SNTG2: variants seen among roughly 807,000 people sequenced by gnomAD.
The protein encoded by SNTG2 is gamma-2-syntrophin.
SNTG2 carries 74 observed loss-of-function variants against 70.9 expected under a neutral mutation model. The observed-to-expected ratio is 1.04, with a 90% CI of 0.86 to 1.27. SNTG2 has a LOEUF of 1.27. Ranked by LOEUF, SNTG2 falls within the 50% of genes most tolerant of loss-of-function variation. SNTG2 has a pLI of 0.00. For missense variants in SNTG2, 717 were observed against 690.7 expected (o/e 1.04, Z -0.43); for synonymous variants, 278 against 273.8 (o/e 1.02, Z -0.15).
At chr2:972,653 A>G (rs758586271) in intron 1 of SNTG2, among the ~76,000 whole-genome samples, 33 of 152,092 alleles carry the variant, frequency 2.2e-4, no homozygotes, top group Non-Finnish European at 4.0e-4. Context: ...TGGATTTCTC[A>G]TGGATGGTTT....
intron 16 of SNTG2, among the ~76,000 whole-genome samples, chr2:1,334,343 T>C (rs543116436): frequency 6.6e-6 from 1 of 152,298 alleles, no homozygotes; most frequent in Middle Eastern, 3.4e-3. Context: ...TACCTGCTGG[T>C]GGGAATGTAA....
Position 1,367,573 on chromosome 2 carries a change from T to C in SNTG2, c.*99T>C, listed in dbSNP as rs1661556927. ...ACTTTGTGTTGTTTTATGATGAGCCTATAGTTGTGATACCAATAAAACATG... is the reference window on the plus strand; with the variant it reads ...ACTTTGTGTTGTTTTATGATGAGCCCATAGTTGTGATACCAATAAAACATG... On this transcript the variant is annotated 3_prime_UTR_variant, in exon 17 of 17. Coordinates refer to ENST00000308624, the MANE Select transcript of SNTG2 (RefSeq NM_018968.4). 1.3e-5 allele frequency: 18 copies of C among 1,390,862 alleles called. No homozygotes were observed. The highest frequency in any genetic ancestry group is 1.5e-5 in the Non-Finnish European group (16 of 1,032,828). The allele number at this position is 1,390,862 out of a possible 1,614,324, so 86.2% of individuals were successfully genotyped here. A position where few individuals can be genotyped will look rare whatever the true frequency, so the allele number is the denominator to read the frequency against.
At chr2:1,240,653 C>T (rs1232247189) in intron 11 of SNTG2, among the ~76,000 whole-genome samples, 1 of 152,106 alleles carries the variant, frequency 6.6e-6, no homozygotes, top group African/African-American at 2.4e-5. Flanking sequence ...TTTGAATTCA[C>T]GATGGAGGAC....
chr2:1,083,670 T>C lies in SNTG2; in HGVS notation c.210+15T>C, dbSNP rs78763815. 3.4e-3 allele frequency: 5,471 copies of C among 1,613,660 alleles called. 170 individuals carry two copies. In the African/African-American group the frequency reaches 0.064, roughly 19 times the overall value. On this transcript the variant is annotated intron_variant, in intron 2 of 16. Coordinates refer to ENST00000308624, the MANE Select transcript of SNTG2 (RefSeq NM_018968.4). ...AGGGCAGGAATGTAAGTGCCATCAC[T>C]TCAGGGAAGTCTTGGAGTGTTTCGG...
intron 8 of SNTG2, among the ~76,000 whole-genome samples, chr2:1,197,791 C>T (rs1673020245): frequency 1.3e-5 from 2 of 152,064 alleles, no homozygotes; most frequent in Non-Finnish European, 2.9e-5. Flanking sequence ...GCCTCAGCCT[C>T]CCAAAGTGCT....
Position 965,122 on chromosome 2 carries a change from CTCCTTGG to C in SNTG2, c.72+14055_72+14061del, listed in dbSNP as rs2147949720. Among the ~76,000 whole-genome samples the C allele has an allele frequency of 4.6e-5, 7 of 150,902 alleles. No individual in the cohort carries two copies. The South Asian group carries it at 1.5e-3, about 32-fold the overall frequency. ...TTCTCCTCCTTGGACCCCAGTCCTC[CTCCTTGG>C]ACCCCAATCCTCCTCCTGGTCCCCA... On this transcript the variant is annotated intron_variant, in intron 1 of 16. Coordinates refer to ENST00000308624, the MANE Select transcript of SNTG2 (RefSeq NM_018968.4).
intron 1 of SNTG2, among the ~76,000 whole-genome samples, chr2:983,518 G>A (rs1050692378): frequency 5.3e-5 from 8 of 152,204 alleles, no homozygotes; most frequent in Admixed American, 3.9e-4. Flanking sequence ...GGGGGGCTGC[G>A]AAGCAGGTGT....
chr2:1,092,183 AT>A (rs1665070769), intron 2 of SNTG2, among the ~76,000 whole-genome samples: 1 of 152,212 alleles, frequency 6.6e-6, no homozygotes, highest in South Asian at 2.1e-4. Flanking sequence ...GTGAAATAGA[AT>A]ACTTCAGAAT....
At chr2:1,073,481 C>T (rs145000542) in intron 1 of SNTG2, among the ~76,000 whole-genome samples, 53 of 152,262 alleles carry the variant, frequency 3.5e-4, no homozygotes, top group African/African-American at 9.6e-4. Flanking sequence ...TTGTTTTATA[C>T]GTAATGCTAT....
At chr2:1,214,222 G>T (rs1266598221) in intron 9 of SNTG2, among the ~76,000 whole-genome samples, 2 of 152,142 alleles carry the variant, frequency 1.3e-5, no homozygotes, top group East Asian at 3.9e-4. Flanking sequence ...AGATAGTTTG[G>T]ATATTCAGAG....
At chr2:1,192,690 C>A (rs1672670697) in intron 8 of SNTG2, among the ~76,000 whole-genome samples, 1 of 152,046 alleles carries the variant, frequency 6.6e-6, no homozygotes, top group Non-Finnish European at 1.5e-5. Flanking sequence ...TTGTGTTGCT[C>A]CAAGGGAAAA....
Position 1,028,693 on chromosome 2 carries a change from A to G in SNTG2, c.73-54825A>G, listed in dbSNP as rs1216575397. On this transcript the variant is annotated intron_variant, in intron 1 of 16. Transcript: ENST00000308624. The stretch of plus-strand genomic sequence containing the variant: ...CACTGAGTAGTTAGAACTCCAACAC[A>G]TTCCTGGTCCTCTCTGCCTCTGCAT... 2.7e-5 allele frequency among the ~76,000 whole-genome samples: 4 copies of G among 150,380 alleles called. No individual in the cohort carries two copies. The East Asian group carries it at 7.8e-4, about 29-fold the overall frequency.
chr2:1,110,696 T>TTTGCCA (rs1206074791), intron 4 of SNTG2, among the ~76,000 whole-genome samples: 2 of 152,232 alleles, frequency 1.3e-5, no homozygotes, highest in African/African-American at 4.8e-5. Context: ...GGCCTTTGCC[T>TTTGCCA]TTGCCATTCA....
chr2:1,297,645 G>T (rs973932594), intron 14 of SNTG2, among the ~76,000 whole-genome samples: 1 of 152,222 alleles, frequency 6.6e-6, no homozygotes, highest in Non-Finnish European at 1.5e-5. Context: ...CGCATCCGCA[G>T]TTCCTTCCTG....
In SNTG2 at chr2:1,234,665, C is replaced by T. The variant is rs577092761; in HGVS notation, c.720-3223C>T. Among the ~76,000 whole-genome samples, 2 of 152,310 alleles carry T rather than the reference C, an allele frequency of 1.3e-5. 1 individual carries two copies. Among genetic ancestry groups the T allele is most frequent in the South Asian group, 4.1e-4 (2 of 4,830 alleles). On this transcript the variant is annotated intron_variant, in intron 9 of 16. Transcript: ENST00000308624. ...TTGCAGGACACAGCCGTCTGCCCCTCGTGCGAGTCCGTGAGCCTCTGGGGC... is the reference window on the plus strand; with the variant it reads ...TTGCAGGACACAGCCGTCTGCCCCTTGTGCGAGTCCGTGAGCCTCTGGGGC...
rs575831463 is a variant in SNTG2, at chr2:1,357,720, G to A, written c.1489-9623G>A. Among the ~76,000 whole-genome samples the A allele has an allele frequency of 8.6e-5, 13 of 150,468 alleles. No individual in the cohort carries two copies. The South Asian group carries it at 2.3e-3, about 27-fold the overall frequency. On this transcript the variant is annotated intron_variant, in intron 16 of 16. Transcript: ENST00000308624. ...TAGTTAGTGGTATGCTTAGATTGTC[G>A]GTTTCTTCATGATTGACTGGTAGGT...
intron 1 of SNTG2, among the ~76,000 whole-genome samples, chr2:1,028,199 T>C (rs900650364): frequency 1.4e-5 from 2 of 147,642 alleles, no homozygotes; most frequent in African/African-American, 5.3e-5. Context: ...AACTCATGCA[T>C]CTCTGTTGAG....
In SNTG2 at chr2:1,250,515, T is replaced by A. The variant is rs542165698; in HGVS notation, c.1005+3072T>A. ...TGTCTGACTCATCTCTCTGTCTCTTTCTGTCGTCTCCTTCTCTGCCCACTC... is the reference window on the plus strand; with the variant it reads ...TGTCTGACTCATCTCTCTGTCTCTTACTGTCGTCTCCTTCTCTGCCCACTC... On this transcript the variant is annotated intron_variant, in intron 12 of 16. Transcript: ENST00000308624. Among the ~76,000 whole-genome samples the A allele has an allele frequency of 4.8e-4, 73 of 152,236 alleles. 1 individual carries two copies. The highest frequency in any genetic ancestry group is 1.7e-3 in the African/African-American group (71 of 41,536).
chr2:1,348,777 A>G (rs183889580), intron 16 of SNTG2, among the ~76,000 whole-genome samples: 1 of 152,334 alleles, frequency 6.6e-6, no homozygotes, highest in Admixed American at 6.5e-5. Context: ...AATTTCTTCA[A>G]ATATTTTACA....
Sources: allele counts gnomAD v4.1 joint callset (sites outside exome capture counted in the v4.1 genomes callset), GRCh38; gene constraint gnomAD v4.1.1; transcripts MANE v1.5; gene names NCBI Gene and HGNC (gene_info 2026-07-23, HGNC 2026-07-21).